The following NAA11 variants were observed in gnomAD, a reference collection of about 807,000 sequenced individuals.
The protein encoded by NAA11 is N-alpha-acetyltransferase 11.
NAA11 carries 15 observed loss-of-function variants against 16.1 expected under a neutral mutation model. The observed-to-expected ratio is 0.93, with a 90% CI of 0.62 to 1.44. NAA11 has a LOEUF of 1.44. Among genes scored for constraint, NAA11 ranks in the 40% most tolerant of loss-of-function variants. The probability of loss-of-function intolerance (pLI) is 0.00; values close to 1 mark genes in which losing one functional copy is unlikely to be tolerated. For missense variants in NAA11, 298 were observed against 291.3 expected, an observed-to-expected ratio of 1.02 and a Z score of -0.17; for synonymous variants, 122 against 112.4, an observed-to-expected ratio of 1.09 and a Z score of -0.54.
the NAA11 span, among the ~76,000 whole-genome samples, chr4:79,190,083 C>T: frequency 6.6e-6 from 1 of 152,104 alleles, no homozygotes; most frequent in Non-Finnish European, 1.5e-5. Context: ...CCGCACAAAG[C>T]TAAATTATCA....
intron 2 of NAA11, among the ~76,000 whole-genome samples, chr4:79,255,290 A>C (rs1426579277): frequency 6.6e-6 from 1 of 152,012 alleles, no homozygotes; most frequent in African/African-American, 2.4e-5. Context: ...ATTTTTGTAC[A>C]TGTCTTTGGT....
chr4:79,296,965 G>A (rs1278169393), intron 1 of NAA11, among the ~76,000 whole-genome samples: 1 of 152,178 alleles, frequency 6.6e-6, no homozygotes, highest in East Asian at 1.9e-4. Context: ...GGGAGGCACA[G>A]GCAGTGACAG....
downstream of NAA11, among the ~76,000 whole-genome samples, chr4:79,316,184 T>C (rs900221911): frequency 2.2e-4 from 34 of 152,140 alleles, no homozygotes; most frequent in Admixed American, 2.1e-3. Flanking sequence ...GAATACTTCA[T>C]CAGTAAGATT....
intron 2 of NAA11, among the ~76,000 whole-genome samples, chr4:79,240,702 A>T (rs1379133377): frequency 2.0e-5 from 3 of 152,124 alleles, no homozygotes; most frequent in Non-Finnish European, 4.4e-5. Flanking sequence ...AACATATCAA[A>T]AGAAAAAGAA....
At chr4:79,160,558 T>C in the NAA11 span, among the ~76,000 whole-genome samples, 1 of 152,244 alleles carries the variant, frequency 6.6e-6, no homozygotes, top group South Asian at 2.1e-4. Flanking sequence ...TGACTGTAGA[T>C]GTGAAGTTGT....
the NAA11 span, among the ~76,000 whole-genome samples, chr4:79,179,196 T>C: frequency 6.6e-6 from 1 of 152,180 alleles, no homozygotes; most frequent in African/African-American, 2.4e-5. Context: ...ATATTCTTGT[T>C]TTTTGTTTTG....
intron 2 of NAA11, among the ~76,000 whole-genome samples, chr4:79,262,726 T>C (rs1722267566): frequency 6.6e-6 from 1 of 152,156 alleles, no homozygotes; most frequent in Admixed American, 6.5e-5. Flanking sequence ...AGAAACTCTA[T>C]TTGTTTAGTT....
At chr4:79,324,505 T>C (rs896220839) in intron 1 of NAA11, among the ~76,000 whole-genome samples, 2 of 152,224 alleles carry the variant, frequency 1.3e-5, no homozygotes, top group Non-Finnish European at 2.9e-5. Flanking sequence ...CCAGGTCATT[T>C]GTTTTGTAAA....
intron 2 of NAA11, among the ~76,000 whole-genome samples, chr4:79,226,801 G>A (rs1388690589): frequency 6.6e-6 from 1 of 151,910 alleles, no homozygotes; most frequent in Non-Finnish European, 1.5e-5. Context: ...GTGTATATGT[G>A]CCACATTTTC....
At chr4:79,201,236 A>G in the NAA11 span, among the ~76,000 whole-genome samples, 2 of 151,760 alleles carry the variant, frequency 1.3e-5, no homozygotes, top group Admixed American at 6.6e-5. Context: ...CTCTTTGGGC[A>G]AATTTCCTTA....
chr4:79,305,086 C>G (rs1467411110), intron 1 of NAA11: 1 of 152,180 alleles, frequency 6.6e-6, no homozygotes, highest in East Asian at 1.9e-4. Context: ...TCTTCATGGG[C>G]TGAATTCTTT....
the NAA11 span, among the ~76,000 whole-genome samples, chr4:79,159,583 C>T: frequency 6.6e-6 from 1 of 152,098 alleles, no homozygotes; most frequent in African/African-American, 2.4e-5. Context: ...AACATTTAAT[C>T]ACCCCCCAAA....
At chr4:79,323,521 C>G (rs371325286) in intron 1 of NAA11, among the ~76,000 whole-genome samples, 7 of 152,044 alleles carry the variant, frequency 4.6e-5, no homozygotes, top group African/African-American at 1.7e-4. Context: ...TCTGTCTCTA[C>G]TAAAAATACA....
intron 2 of NAA11, among the ~76,000 whole-genome samples, chr4:79,281,285 A>C (rs1722779970): frequency 1.3e-5 from 2 of 151,920 alleles, no homozygotes; most frequent in Admixed American, 1.3e-4. Context: ...AAAAAAAAAA[A>C]AACATTCTCA....
At chr4:79,196,955 C>CAAAAAAAAAAA in the NAA11 span, among the ~76,000 whole-genome samples, 135 of 86,186 alleles carry the variant, frequency 1.6e-3, no homozygotes, top group African/African-American at 1.9e-3. Context: ...ATGAAAAAGA[C>CAAAAAAAAAAA]AAAAAAAAAA....
At chr4:79,194,815 T>G in the NAA11 span, among the ~76,000 whole-genome samples, 1 of 152,094 alleles carries the variant, frequency 6.6e-6, no homozygotes, top group African/African-American at 2.4e-5. Flanking sequence ...TACAACCCTT[T>G]GAAGTGTGTA....
At chr4:79,304,638 A>G (rs185324902) in intron 1 of NAA11, among the ~76,000 whole-genome samples, 290 of 152,286 alleles carry the variant, frequency 1.9e-3, no homozygotes, top group Admixed American at 4.1e-3. Context: ...AAATTATATG[A>G]TTTTTACTAC....
intron 2 of NAA11, among the ~76,000 whole-genome samples, chr4:79,246,247 A>G (rs1721820063): frequency 1.3e-5 from 2 of 152,176 alleles, no homozygotes; most frequent in African/African-American, 2.4e-5. Flanking sequence ...GGAAGGCTGC[A>G]GGGTCCTCTG....
chr4:79,252,726 G>C (rs1722022964), intron 2 of NAA11, among the ~76,000 whole-genome samples: 1 of 152,122 alleles, frequency 6.6e-6, no homozygotes, highest in South Asian at 2.1e-4. Flanking sequence ...TTCAGGATTA[G>C]CAAGGAGGCC....
Sources: allele counts gnomAD v4.1 joint callset (sites outside exome capture counted in the v4.1 genomes callset), GRCh38; gene constraint gnomAD v4.1.1; transcripts MANE v1.5; gene names NCBI Gene and HGNC (gene_info 2026-07-23, HGNC 2026-07-21).